The following DTNA variants were observed in gnomAD, a reference collection of about 807,000 sequenced individuals.
DTNA encodes dystrophin-related protein 3.
In DTNA, 43 loss-of-function variants were observed where a neutral mutation model predicts 100.7. The observed-to-expected ratio is 0.43, with a 90% CI of 0.33 to 0.55. The LOEUF is 0.55. DTNA is among the 20% of genes least tolerant of loss of function. DTNA has a pLI of 0.04. For synonymous variants in DTNA, 349 were observed against 347.9 expected, an observed-to-expected ratio of 1.00 and a Z score of -0.04; for missense variants, 798 against 953.9, an observed-to-expected ratio of 0.84 and a Z score of 2.15.
chr18:34,659,629 CACAG>C (rs1289141055), intron 1 of DTNA, among the ~76,000 whole-genome samples: 2 of 145,060 alleles, frequency 1.4e-5, no homozygotes, highest in African/African-American at 5.4e-5. Flanking sequence ...CACAGACACA[CACAG>C]ACACACACAC....
chr18:34,659,085 CGTGT>C (rs35030778), intron 1 of DTNA, among the ~76,000 whole-genome samples: 11 of 151,180 alleles, frequency 7.3e-5, no homozygotes, highest in Non-Finnish European at 1.6e-4. Flanking sequence ...ATTTACTGTA[CGTGT>C]GTGTGTGTGT....
intron 1 of DTNA, among the ~76,000 whole-genome samples, chr18:34,655,414 C>T (rs527869826): frequency 5.9e-5 from 9 of 152,268 alleles, no homozygotes; most frequent in Admixed American, 2.0e-4. Flanking sequence ...ATCCTACTTG[C>T]TTAACTTTAT....
At chr18:34,677,053 C>T (rs1438228452) in intron 1 of DTNA, among the ~76,000 whole-genome samples, 1 of 152,118 alleles carries the variant, frequency 6.6e-6, no homozygotes, top group Non-Finnish European at 1.5e-5. Flanking sequence ...AGTTGCCATG[C>T]AGGATAGAAG....
chr18:34,692,445 G>T (rs2079909409), intron 1 of DTNA, among the ~76,000 whole-genome samples: 1 of 152,124 alleles, frequency 6.6e-6, no homozygotes. Context: ...TTGTATTTCT[G>T]GTAAGTGGCA....
intron 1 of DTNA, among the ~76,000 whole-genome samples, chr18:34,591,677 G>A (rs2049740394): frequency 1.3e-5 from 2 of 152,188 alleles, no homozygotes; most frequent in Non-Finnish European, 2.9e-5. Flanking sequence ...GAAGTCATTA[G>A]AATGCCCGTC....
At chr18:34,868,238 A>T (rs2096728896) in intron 17 of DTNA, 1 of 253,100 alleles carries the variant, frequency 4.0e-6, no homozygotes, top group Non-Finnish European at 6.2e-6. Context: ...TTCTGTTGGC[A>T]TAAAATATGA....
chr18:34,520,828 T>G (rs533065270), intron 1 of DTNA, among the ~76,000 whole-genome samples: 1 of 152,216 alleles, frequency 6.6e-6, no homozygotes, highest in South Asian at 2.1e-4. Flanking sequence ...GTCCTCAGAT[T>G]TTCTCTCTAG....
intron 1 of DTNA, among the ~76,000 whole-genome samples, chr18:34,589,910 G>A (rs1352576831): frequency 6.6e-6 from 1 of 152,026 alleles, no homozygotes. Flanking sequence ...TGTCCTCTAA[G>A]TTTATCCATG....
intron 17 of DTNA, chr18:34,866,239 AAG>A (rs1214089287): frequency 1.2e-6 from 2 of 1,604,890 alleles, no homozygotes; most frequent in Non-Finnish European, 8.5e-7. Flanking sequence ...TCAGTTTGGA[AAG>A]AGAAAAAAGT....
chr18:34,818,682 G>A, intron 8 of DTNA: 2 of 1,103,440 alleles, frequency 1.8e-6, no homozygotes, highest in South Asian at 4.9e-5. Flanking sequence ...TTGTTTTGTG[G>A]AAACGGCTTA....
At chr18:34,584,030 A>G (rs1343891801) in intron 1 of DTNA, among the ~76,000 whole-genome samples, 1 of 151,800 alleles carries the variant, frequency 6.6e-6, no homozygotes, top group Non-Finnish European at 1.5e-5. Context: ...AACAAACTCT[A>G]CTTTCCCTTC....
chr18:34,611,150 A>G (rs2054135539), intron 1 of DTNA, among the ~76,000 whole-genome samples: 2 of 152,234 alleles, frequency 1.3e-5, no homozygotes, highest in Non-Finnish European at 2.9e-5. Flanking sequence ...TATAAAATTC[A>G]TAAATATAGA....
chr18:34,602,740 G>A (rs2052174050), intron 1 of DTNA, among the ~76,000 whole-genome samples: 3 of 151,872 alleles, frequency 2.0e-5, no homozygotes, highest in Admixed American at 1.3e-4. Context: ...GGCCCGGCGT[G>A]GTGGCTCATA....
At chr18:34,763,470 A>G (rs1202193484) in intron 2 of DTNA, among the ~76,000 whole-genome samples, 1 of 152,238 alleles carries the variant, frequency 6.6e-6, no homozygotes, top group African/African-American at 2.4e-5. Flanking sequence ...CCTTAGCTCC[A>G]AAATAGGCAT....
rs1473978593 is a variant in DTNA at position 34,744,340 on chromosome 18, T to C, written c.-1-11636T>C. ...CAAAAGCAGCTCTGTGTTCTGAGTA[T>C]ACAGTGATATAAAGCACCATGCCAC... On this transcript the variant is annotated intron_variant, in intron 1 of 22. Transcript: ENST00000444659. Among the ~76,000 whole-genome samples the C allele has an allele frequency of 3.4e-4, 52 of 152,196 alleles. 1 individual carries two copies. The highest frequency in any genetic ancestry group is 8.8e-5 in the Non-Finnish European group (6 of 68,028).
At chr18:34,639,655 A>G (rs2059050675) in intron 1 of DTNA, among the ~76,000 whole-genome samples, 2 of 152,228 alleles carry the variant, frequency 1.3e-5, no homozygotes, top group South Asian at 4.1e-4. Context: ...GCCTACTTCG[A>G]TTATAGCTCA....
intron 3 of DTNA, among the ~76,000 whole-genome samples, chr18:34,792,447 A>G (rs1045121974): frequency 1.3e-5 from 2 of 152,232 alleles, no homozygotes; most frequent in Non-Finnish European, 1.5e-5. Context: ...AAAAAGTCAC[A>G]TAGCTCAATT....
chr18:34,521,954 C>T (rs888027375), intron 1 of DTNA, among the ~76,000 whole-genome samples: 1 of 152,078 alleles, frequency 6.6e-6, no homozygotes, highest in Non-Finnish European at 1.5e-5. Flanking sequence ...TTCTTGTTCA[C>T]CTTTATATCC....
chr18:34,825,375 T>G (rs1429694154), intron 9 of DTNA: 5 of 1,439,862 alleles, frequency 3.5e-6, no homozygotes, highest in Non-Finnish European at 4.9e-6. Flanking sequence ...GAGGCTAGTT[T>G]AGAACTAAGT....
Sources: allele counts gnomAD v4.1 joint callset (sites outside exome capture counted in the v4.1 genomes callset), GRCh38; gene constraint gnomAD v4.1.1; transcripts MANE v1.5; gene names NCBI Gene and HGNC (gene_info 2026-07-23, HGNC 2026-07-21).